Variants in DPYD observed in about 807,000 individuals in gnomAD.
DPYD encodes dihydropyrimidine dehydrogenase, also known as dihydropyrimidine dehydrogenase [NADP(+)].
In DPYD, 109 loss-of-function variants were observed where a neutral mutation model predicts 116.2. That is an observed-to-expected ratio of 0.94 (90% CI 0.80 to 1.10). The LOEUF (loss-of-function observed/expected upper bound fraction) is 1.10, where lower values mean the gene tolerates loss of function less well. Among genes scored for constraint, DPYD ranks in the 50% least tolerant of loss-of-function variants. DPYD has a pLI of 0.00. For missense variants in DPYD, 1,302 were observed against 1,254.5 expected, an observed-to-expected ratio of 1.04 and a Z score of -0.57; for synonymous variants, 440 against 432.0, an observed-to-expected ratio of 1.02 and a Z score of -0.23.
intron 16 of DPYD, among the ~76,000 whole-genome samples, chr1:97,332,388 A>G (rs935889556): frequency 5.9e-5 from 9 of 152,262 alleles, no homozygotes; most frequent in Non-Finnish European, 8.8e-5. Flanking sequence ...ACACACACGC[A>G]TATATGTATT....
At chr1:97,342,774 G>A (rs2101243417) in intron 16 of DPYD, among the ~76,000 whole-genome samples, 1 of 152,226 alleles carries the variant, frequency 6.6e-6, no homozygotes, top group Admixed American at 6.6e-5. Context: ...GTGGCATGCA[G>A]GGATCTGGCT....
chr1:97,777,961 C>G (rs989386119), intron 3 of DPYD, among the ~76,000 whole-genome samples: 29 of 151,720 alleles, frequency 1.9e-4, no homozygotes, highest in African/African-American at 7.0e-4. Flanking sequence ...AGTTTGAGAC[C>G]AGCCTGGCCA....
intron 18 of DPYD, among the ~76,000 whole-genome samples, chr1:97,294,041 C>G (rs1424996272): frequency 6.6e-6 from 1 of 152,018 alleles, no homozygotes; most frequent in African/African-American, 2.4e-5. Flanking sequence ...TCTACTATGT[C>G]CCTGAAACTT....
intron 4 of DPYD, among the ~76,000 whole-genome samples, chr1:97,726,407 A>C (rs1415023048): frequency 6.6e-6 from 1 of 151,624 alleles, no homozygotes; most frequent in Non-Finnish European, 1.5e-5. Flanking sequence ...ACTCAGAATT[A>C]ATCAGTCTAT....
chr1:97,910,024 T>C (rs1368814419), intron 1 of DPYD, among the ~76,000 whole-genome samples: 1 of 152,132 alleles, frequency 6.6e-6, no homozygotes, highest in Non-Finnish European at 1.5e-5. Flanking sequence ...CCTAGCAGAC[T>C]TCTTATGATC....
chr1:97,657,937 G>T (rs185113658), intron 8 of DPYD, among the ~76,000 whole-genome samples: 14 of 152,202 alleles, frequency 9.2e-5, no homozygotes, highest in Admixed American at 7.2e-4. Flanking sequence ...TTTTGCGTTT[G>T]AATTTCACAT....
chr1:97,620,716 T>C (rs1015393883), intron 8 of DPYD, among the ~76,000 whole-genome samples: 1 of 152,152 alleles, frequency 6.6e-6, no homozygotes, highest in African/African-American at 2.4e-5. Context: ...TATATGCTCT[T>C]TCATTCTTCA....
intron 18 of DPYD, among the ~76,000 whole-genome samples, chr1:97,257,459 A>G (rs1210742372): frequency 1.3e-5 from 2 of 148,958 alleles, no homozygotes; most frequent in Admixed American, 6.9e-5. Context: ...ATATAGAGAG[A>G]GAGAAAGAGA....
intron 10 of DPYD, among the ~76,000 whole-genome samples, chr1:97,590,614 A>T (rs1168455813): frequency 6.6e-6 from 1 of 152,246 alleles, no homozygotes; most frequent in Non-Finnish European, 1.5e-5. Flanking sequence ...TCTAGTTTTA[A>T]TTAAGACCAG....
chr1:97,841,651 G>A (rs955806596), intron 2 of DPYD, among the ~76,000 whole-genome samples: 2 of 151,828 alleles, frequency 1.3e-5, no homozygotes, highest in African/African-American at 2.4e-5. Flanking sequence ...CCAGTTTCCT[G>A]AACCTGACAG....
chr1:97,383,490 A>AG (rs370526246), intron 14 of DPYD, among the ~76,000 whole-genome samples: 10,423 of 149,512 alleles, frequency 0.07, 476 homozygotes, highest in Middle Eastern at 0.12. Flanking sequence ...AAAAAAAAAG[A>AG]AAAAAAGAAA....
At chr1:97,218,519 C>T (rs1197923941) in intron 19 of DPYD, among the ~76,000 whole-genome samples, 1 of 151,092 alleles carries the variant, frequency 6.6e-6, no homozygotes, top group Non-Finnish European at 1.5e-5. Flanking sequence ...TAGCTACTGT[C>T]TAACATTGTC....
chr1:97,751,460 G>GTGTGTATGTATATATATATA (rs763260651), intron 3 of DPYD, among the ~76,000 whole-genome samples: 1 of 21,274 alleles, frequency 4.7e-5, no homozygotes, highest in African/African-American at 1.7e-4. Flanking sequence ...GTGTGTGTGT[G>GTGTGTATGTATATATATATA]TATATATATA....
intron 10 of DPYD, among the ~76,000 whole-genome samples, chr1:97,590,824 C>G (rs986237915): frequency 6.6e-6 from 1 of 152,208 alleles, no homozygotes; most frequent in Non-Finnish European, 1.5e-5. Flanking sequence ...TAGCCCCTGA[C>G]TAGCCTCTCT....
At chr1:97,706,066 G>A (rs949389691) in intron 5 of DPYD, among the ~76,000 whole-genome samples, 2 of 151,600 alleles carry the variant, frequency 1.3e-5, no homozygotes, top group African/African-American at 4.8e-5. Flanking sequence ...TTTTCAATAA[G>A]AAATGTATAA....
intron 2 of DPYD, among the ~76,000 whole-genome samples, chr1:97,834,718 T>C (rs1669684997): frequency 1.3e-5 from 2 of 151,778 alleles, no homozygotes; most frequent in Admixed American, 6.6e-5. Context: ...TACAAGTACA[T>C]GCATTTCTCA....
intron 8 of DPYD, among the ~76,000 whole-genome samples, chr1:97,669,945 G>A (rs777831950): frequency 6.6e-6 from 1 of 152,014 alleles, no homozygotes; most frequent in Non-Finnish European, 1.5e-5. Context: ...ACATAGCAGC[G>A]ATTCGTAAGA....
At chr1:97,799,788 T>C (rs1447927728) in intron 3 of DPYD, among the ~76,000 whole-genome samples, 1 of 152,006 alleles carries the variant, frequency 6.6e-6, no homozygotes, top group Non-Finnish European at 1.5e-5. Context: ...ATTTTATACC[T>C]GCAGCATTGA....
intron 3 of DPYD, among the ~76,000 whole-genome samples, chr1:97,754,029 T>C (rs1472680572): frequency 6.6e-6 from 1 of 152,152 alleles, no homozygotes; most frequent in African/African-American, 2.4e-5. Context: ...GACATGACTT[T>C]TGTTCTTAGG....
Sources: allele counts gnomAD v4.1 joint callset (sites outside exome capture counted in the v4.1 genomes callset), GRCh38; gene constraint gnomAD v4.1.1; transcripts MANE v1.5; gene names NCBI Gene and HGNC (gene_info 2026-07-23, HGNC 2026-07-21).